C1orf94: variants seen among roughly 807,000 people sequenced by gnomAD.
The protein encoded by C1orf94 is uncharacterized protein C1orf94.
In C1orf94, 45 loss-of-function variants were observed where a neutral mutation model predicts 53.6. The observed-to-expected ratio is 0.84, with a 90% CI of 0.66 to 1.08. The LOEUF (loss-of-function observed/expected upper bound fraction) is 1.08. C1orf94 is among the 50% of genes least tolerant of loss of function. The pLI, the probability that C1orf94 is intolerant of heterozygous loss-of-function variation, is 0.00. For synonymous variants in C1orf94, 304 were observed against 296.1 expected (o/e 1.03, Z -0.27); for missense variants, 762 against 738.9 (o/e 1.03, Z -0.36).
Position 34,207,272 on chromosome 1 carries a change from TG to T in C1orf94, c.1447-884del, listed in dbSNP as rs1642815445. Among the ~76,000 whole-genome samples, 4 of 79,438 alleles carry T rather than the reference TG, an allele frequency of 5.0e-5. 1 individual carries two copies. Among genetic ancestry groups the T allele is most frequent in the Non-Finnish European group, 1.1e-4 (4 of 35,932 alleles). 52.1% of individuals were successfully genotyped at this position (79,438 alleles called of 152,430 possible). Reference sequence around the variant, plus strand: ...GCAGCAGTTCTGCGGGGTGTGTGTGTGTGTGTGTGTGTGTGTGTGTGTGTGT... The same window carrying T: ...GCAGCAGTTCTGCGGGGTGTGTGTGTTGTGTGTGTGTGTGTGTGTGTGTGT... On this transcript the variant is annotated intron_variant, in intron 4 of 6. Transcript: ENST00000488417.
chr1:34,205,163 A>C (rs1281584860), intron 4 of C1orf94, among the ~76,000 whole-genome samples: 4 of 152,154 alleles, frequency 2.6e-5, no homozygotes, highest in African/African-American at 9.7e-5. Context: ...TGTCTTTAGC[A>C]TCATAGGGCT....
At chr1:34,190,834 T>G (rs1420025399) in intron 1 of C1orf94, among the ~76,000 whole-genome samples, 1 of 152,218 alleles carries the variant, frequency 6.6e-6, no homozygotes, top group Non-Finnish European at 1.5e-5. Context: ...CAGGAAGCTT[T>G]TGATATATAA....
chr1:34,194,972 C>T (rs1427774850), intron 1 of C1orf94, among the ~76,000 whole-genome samples: 1 of 152,086 alleles, frequency 6.6e-6, no homozygotes, highest in African/African-American at 2.4e-5. Flanking sequence ...AAACTTGAGA[C>T]CGCAGATTGG....
At chr1:34,183,880 C>A (rs1056220987) in intron 1 of C1orf94, among the ~76,000 whole-genome samples, 4 of 151,716 alleles carry the variant, frequency 2.6e-5, no homozygotes, top group African/African-American at 7.3e-5. Context: ...AATTAGTATG[C>A]ACCTATTACT....
chr1:34,187,769 A>ACCCCC (rs1304813112), intron 1 of C1orf94, among the ~76,000 whole-genome samples: 1 of 42,056 alleles, frequency 2.4e-5, no homozygotes, highest in Non-Finnish European at 4.4e-5. Context: ...GAATCCACCC[A>ACCCCC]CCCCCCCCCC....
Position 34,200,890 on chromosome 1 carries a change from C to T in C1orf94, c.1128C>T (p.Thr376=), listed in dbSNP as rs769331067. Residue 376 remains threonine (T), a synonymous_variant, in exon 3 of 7, where the codon ACC becomes ACT. Coordinates refer to ENST00000488417, the MANE Select transcript of C1orf94 (RefSeq NM_001134734.2). ...GEEGCCDAVG[T]ASLTLPPKKP... ...AGGGTTGCTGTGACGCAGTGGGCAC[C>T]GCATCACTGACCCTGCCGCCCAAGA... 1.7e-5 allele frequency: 27 copies of T among 1,614,034 alleles called. No homozygotes were observed. The South Asian group carries it at 2.1e-4, about 12-fold the overall frequency.
chr1:34,197,989 G>C lies in C1orf94; in HGVS notation c.1009+76G>C, dbSNP rs150978673. 2.1e-6 allele frequency: 3 copies of C among 1,399,034 alleles called. No homozygotes were observed. The African/African-American group carries it at 4.3e-5, about 20-fold the overall frequency. 86.7% of individuals were successfully genotyped at this position (1,399,034 alleles called of 1,614,324 possible). The stretch of plus-strand genomic sequence containing the variant: ...TCCCAGGAAGCCAATCAGGGCTGCA[G>C]CATGTACATAAAGCATCTTCATGCA... On this transcript the variant is annotated intron_variant, in intron 2 of 6. Coordinates refer to ENST00000488417, the MANE Select transcript of C1orf94 (RefSeq NM_001134734.2). The surrounding 1 kb of genome is among the most constrained non-coding windows in gnomAD (Gnocchi z 4.1).
chr1:34,172,709 G>T (rs1016828147), upstream of C1orf94, among the ~76,000 whole-genome samples: 1 of 152,242 alleles, frequency 6.6e-6, no homozygotes, highest in Non-Finnish European at 1.5e-5. Flanking sequence ...CAGAGTCACA[G>T]CTTTGCTTGC....
intron 1 of C1orf94, among the ~76,000 whole-genome samples, chr1:34,188,721 G>A (rs1642427580): frequency 6.6e-6 from 1 of 152,188 alleles, no homozygotes; most frequent in Non-Finnish European, 1.5e-5. Context: ...CTGCGGCCCG[G>A]AGGGTGGAGG....
intron 4 of C1orf94, among the ~76,000 whole-genome samples, chr1:34,206,967 A>G (rs1642805340): frequency 6.6e-6 from 1 of 152,186 alleles, no homozygotes; most frequent in African/African-American, 2.4e-5. Flanking sequence ...GGGACCTGGA[A>G]GATGGAGCAG....
In C1orf94 at chr1:34,202,277, G is replaced by A. The variant is rs1258029896; in HGVS notation, c.1446+18G>A. 1 of 1,611,768 alleles carries A rather than the reference G, an allele frequency of 6.2e-7. No homozygotes were observed. On this transcript the variant is annotated intron_variant, in intron 4 of 6. Transcript: ENST00000488417. ...AGTATCAGGTCAGTGAGCTGGCCTG[G>A]CTCTCCTGTGGACATCCACGGGGGT...
At chr1:34,179,723 G>A (rs750936239) in intron 1 of C1orf94, among the ~76,000 whole-genome samples, 1 of 152,158 alleles carries the variant, frequency 6.6e-6, no homozygotes, top group Non-Finnish European at 1.5e-5. Flanking sequence ...TACTTCTTCA[G>A]GTTGGGATTT....
chr1:34,208,193 C>T lies in C1orf94; in HGVS notation c.1483C>T (p.Gln495Ter), dbSNP rs750107449. ...ACAGCAGGCAGCGAGGATGCCCTAT[C>T]AGCAGGCTTTGCACCCGCAGCTGGG... ...YPQQAARMPY[Q>*]QALHPQLGCY... The change falls in exon 5 of 7, where the codon CAG becomes TAG. Residue 495 changes from glutamine (Q) to a stop codon, truncating the protein, a stop_gained. Coordinates refer to ENST00000488417, the MANE Select transcript of C1orf94 (RefSeq NM_001134734.2). LOFTEE classifies it high-confidence loss of function. 1.9e-5 allele frequency: 31 copies of T among 1,614,030 alleles called. No individual in the cohort carries two copies. Among genetic ancestry groups the T allele is most frequent in the African/African-American group, 2.7e-5 (2 of 74,940 alleles).
chr1:34,188,255 C>T (rs41332551), intron 1 of C1orf94, among the ~76,000 whole-genome samples: 5,445 of 152,274 alleles, frequency 0.036, 128 homozygotes, highest in Admixed American at 0.055. Flanking sequence ...TAAAAGATAA[C>T]TGTCTGGTAC....
intron 5 of C1orf94, among the ~76,000 whole-genome samples, chr1:34,209,372 C>A (rs1642853531): frequency 6.9e-6 from 1 of 145,674 alleles, no homozygotes; most frequent in Non-Finnish European, 1.5e-5. Context: ...GCTGCAGGAG[C>A]CTGTGTGCAG....
chr1:34,176,435 C>G (rs755741993), upstream of C1orf94, among the ~76,000 whole-genome samples: 1 of 152,068 alleles, frequency 6.6e-6, no homozygotes, highest in Non-Finnish European at 1.5e-5. Flanking sequence ...GATCAGCAAA[C>G]AGCTAACTTA....
chr1:34,182,360 G>C (rs1197248389), intron 1 of C1orf94, among the ~76,000 whole-genome samples: 1 of 152,158 alleles, frequency 6.6e-6, no homozygotes. Context: ...ATCACTGCGG[G>C]GAGTTCAGAT....
At chr1:34,199,355 A>G (rs1432108298) in intron 2 of C1orf94, among the ~76,000 whole-genome samples, 1 of 152,194 alleles carries the variant, frequency 6.6e-6, no homozygotes, top group East Asian at 1.9e-4. Context: ...CTCACAGGCT[A>G]GGGGCTGAAT....
In C1orf94 at chr1:34,208,156, G is replaced by A; in HGVS notation, c.1447-1G>A. ...CATACTGAGCCTCTGTTTCTCCCCA[G>A]GGCCTGTACCCACAGCAGGCAGCGA... is the stretch of plus-strand genomic sequence containing the variant. On this transcript the variant is annotated splice_acceptor_variant, in intron 4 of 6. Coordinates refer to ENST00000488417, the MANE Select transcript of C1orf94 (RefSeq NM_001134734.2). LOFTEE classifies it high-confidence loss of function. 1 of 1,614,020 alleles carries A rather than the reference G, an allele frequency of 6.2e-7. No homozygotes were observed.
Sources: allele counts gnomAD v4.1 joint callset (sites outside exome capture counted in the v4.1 genomes callset), GRCh38; gene constraint gnomAD v4.1.1; non-coding constraint Gnocchi (gnomAD v3.1); transcripts MANE v1.5; gene names NCBI Gene and HGNC (gene_info 2026-07-23, HGNC 2026-07-21).